JAZF1: variants seen among roughly 807,000 people sequenced by gnomAD.
The protein encoded by JAZF1 is juxtaposed with another zinc finger protein 1.
A neutral mutation model predicts 26.4 loss-of-function variants in JAZF1; 8 were observed. The ratio of observed to expected loss-of-function variants is 0.30; its 90% CI spans 0.18 to 0.55. The LOEUF is 0.55. JAZF1 is among the 20% of genes least tolerant of loss of function. JAZF1 has a pLI of 0.94. For missense variants in JAZF1, 199 were observed against 322.0 expected (o/e 0.62, Z 2.92); for synonymous variants, 126 against 122.3 (o/e 1.03, Z -0.20).
chr7:28,055,334 T>A (rs1473990178), intron 1 of JAZF1, among the ~76,000 whole-genome samples: 2 of 152,044 alleles, frequency 1.3e-5, no homozygotes, highest in Non-Finnish European at 2.9e-5. Flanking sequence ...TTTATCACTG[T>A]CTATAAACTC....
chr7:28,077,581 A>AT (rs1207694300), intron 1 of JAZF1, among the ~76,000 whole-genome samples: 4 of 152,030 alleles, frequency 2.6e-5, no homozygotes, highest in African/African-American at 9.7e-5. Context: ...TTAACTACAA[A>AT]AAAAAGTGGC....
intron 3 of JAZF1, among the ~76,000 whole-genome samples, chr7:27,858,585 C>A: frequency 6.6e-6 from 1 of 152,154 alleles, no homozygotes; most frequent in East Asian, 1.9e-4. Flanking sequence ...CACACATCTA[C>A]AACCATCTGA....
intron 1 of JAZF1, among the ~76,000 whole-genome samples, chr7:28,150,026 C>T (rs186081699): frequency 6.6e-6 from 1 of 152,304 alleles, no homozygotes; most frequent in Non-Finnish European, 1.5e-5. Context: ...CATTACCTGG[C>T]TTCTTTGAAG....
chr7:27,836,641 G>A (rs1419192976), intron 4 of JAZF1, among the ~76,000 whole-genome samples: 1 of 152,178 alleles, frequency 6.6e-6, no homozygotes. Flanking sequence ...ACAAATTGGG[G>A]ATGGTAGTAG....
At chr7:28,140,563 G>A (rs1052926564) in intron 1 of JAZF1, among the ~76,000 whole-genome samples, 12 of 151,722 alleles carry the variant, frequency 7.9e-5, no homozygotes, top group East Asian at 1.9e-4. Context: ...CAGTAGATCC[G>A]GGGTGGGGAG....
At chr7:28,161,147 G>A (rs1218126325) in intron 1 of JAZF1, among the ~76,000 whole-genome samples, 2 of 146,940 alleles carry the variant, frequency 1.4e-5, no homozygotes, top group African/African-American at 2.5e-5. Context: ...TAAGGCTGTC[G>A]AAACAATAAT....
intron 1 of JAZF1, among the ~76,000 whole-genome samples, chr7:28,101,576 T>TAAAAA (rs56321937): frequency 1.0e-5 from 1 of 97,980 alleles, no homozygotes; most frequent in Non-Finnish European, 1.9e-5. Flanking sequence ...ATTTCTATAT[T>TAAAAA]AAAAAAAAAA....
chr7:27,943,149 T>C (rs554683274), intron 2 of JAZF1, among the ~76,000 whole-genome samples: 3 of 152,260 alleles, frequency 2.0e-5, no homozygotes, highest in Admixed American at 6.5e-5. Flanking sequence ...CATCCTCAGA[T>C]ACAGTTCTGA....
intron 1 of JAZF1, among the ~76,000 whole-genome samples, chr7:28,108,717 C>CA (rs1784593498): frequency 6.6e-6 from 1 of 152,138 alleles, no homozygotes; most frequent in Non-Finnish European, 1.5e-5. Context: ...GCCCAAAGAA[C>CA]AAAAAATCAG....
intron 3 of JAZF1, among the ~76,000 whole-genome samples, chr7:27,854,174 C>T (rs1783202541): frequency 1.3e-5 from 2 of 152,126 alleles, no homozygotes; most frequent in Admixed American, 1.3e-4. Flanking sequence ...TCTGTTTTAC[C>T]AGAGACTAGG....
At chr7:28,064,439 A>G (rs191940343) in intron 1 of JAZF1, among the ~76,000 whole-genome samples, 42 of 152,310 alleles carry the variant, frequency 2.8e-4, no homozygotes, top group South Asian at 6.2e-4. Context: ...ACAAAAAGAA[A>G]TGTGGTCCTA....
intron 1 of JAZF1, among the ~76,000 whole-genome samples, chr7:28,109,448 G>A (rs112972076): frequency 1.5e-3 from 224 of 152,154 alleles, no homozygotes; most frequent in Middle Eastern, 0.01. Flanking sequence ...TAACTGATAC[G>A]CCGCATGCCT....
At chr7:28,147,723 CA>C (rs1168410033) in intron 1 of JAZF1, among the ~76,000 whole-genome samples, 5 of 145,852 alleles carry the variant, frequency 3.4e-5, no homozygotes, top group Non-Finnish European at 3.0e-5. Flanking sequence ...TATATACACA[CA>C]AAAAAAAATT....
At chr7:28,093,386 G>A (rs1363831503) in intron 1 of JAZF1, among the ~76,000 whole-genome samples, 1 of 152,156 alleles carries the variant, frequency 6.6e-6, no homozygotes, top group African/African-American at 2.4e-5. Context: ...CACCATGATT[G>A]TGAGGCCTCC....
intron 1 of JAZF1, among the ~76,000 whole-genome samples, chr7:28,179,506 C>T (rs1389993062): frequency 6.6e-6 from 1 of 152,040 alleles, no homozygotes; most frequent in Non-Finnish European, 1.5e-5. Flanking sequence ...GGCCTAGCAC[C>T]ATTAGAAAGG....
chr7:27,904,077 T>A (rs1204475663), intron 2 of JAZF1, among the ~76,000 whole-genome samples: 1 of 151,976 alleles, frequency 6.6e-6, no homozygotes, highest in African/African-American at 2.4e-5. Flanking sequence ...ACATGGAGAG[T>A]AAGGATTTTT....
chr7:27,928,602 T>G (rs1020895304), intron 2 of JAZF1, among the ~76,000 whole-genome samples: 2 of 152,226 alleles, frequency 1.3e-5, no homozygotes, highest in African/African-American at 2.4e-5. Context: ...GTACCCTTCT[T>G]AAACATTTTT....
intron 1 of JAZF1, among the ~76,000 whole-genome samples, chr7:28,086,350 G>A (rs1784211916): frequency 1.3e-5 from 2 of 152,146 alleles, no homozygotes; most frequent in African/African-American, 2.4e-5. Context: ...ATTTGGGGAG[G>A]TGCATTCCAA....
intron 1 of JAZF1, among the ~76,000 whole-genome samples, chr7:28,078,486 A>G (rs1033707635): frequency 2.0e-5 from 3 of 152,206 alleles, no homozygotes; most frequent in Admixed American, 6.5e-5. Flanking sequence ...TGCGGTAGGC[A>G]GGCTGCATTG....
Sources: gnomAD v4.1 joint callset for allele counts (sites outside exome capture counted in the v4.1 genomes callset) on GRCh38, gnomAD v4.1.1 for gene constraint, MANE v1.5 for transcripts, NCBI Gene and HGNC (gene_info 2026-07-23, HGNC 2026-07-21) for gene names.